The following PDZRN4 variants were observed in gnomAD, a reference collection of about 807,000 sequenced individuals.
PDZRN4 encodes the protein PDZ domain-containing RING finger protein 4.
PDZRN4 carries 70 observed loss-of-function variants against 99.0 expected under a neutral mutation model. That is an observed-to-expected ratio of 0.71 (90% CI 0.58 to 0.86). The LOEUF (loss-of-function observed/expected upper bound fraction) is 0.86, where lower values mean the gene tolerates loss of function less well. PDZRN4 is among the 40% of genes least tolerant of loss of function. The pLI is 0.00. For missense variants in PDZRN4, 1,474 were observed against 1,331.2 expected (o/e 1.11, Z -1.67); for synonymous variants, 551 against 501.6 (o/e 1.10, Z -1.32).
At chr12:41,496,210 A>T (rs928394815) in intron 3 of PDZRN4, among the ~76,000 whole-genome samples, 1 of 152,072 alleles carries the variant, frequency 6.6e-6, no homozygotes, top group East Asian at 1.9e-4. Flanking sequence ...GTGCTCACTC[A>T]GTGCGAACTA....
At chr12:41,270,328 G>T (rs1443472761) in intron 3 of PDZRN4, among the ~76,000 whole-genome samples, 1 of 125,410 alleles carries the variant, frequency 8.0e-6, no homozygotes, top group African/African-American at 3.1e-5. Flanking sequence ...GTGTGTGTCT[G>T]TGTGTGTGTG....
intron 3 of PDZRN4, among the ~76,000 whole-genome samples, chr12:41,480,971 G>C (rs963713318): frequency 2.0e-5 from 3 of 147,816 alleles, no homozygotes. Context: ...TTAAATTACA[G>C]GGTTTTTTTT....
At chr12:41,571,354 TCTCTCTCTCTCTCTCTCTCTCTCACA>T (rs1445443433) in intron 9 of PDZRN4, among the ~76,000 whole-genome samples, 1 of 93,404 alleles carries the variant, frequency 1.1e-5, no homozygotes, top group Non-Finnish European at 2.0e-5. Flanking sequence ...TCTCTCTCTC[TCTCTCTCTCTCTCTCTCTCTCTCACA>T]CACACACACA....
chr12:41,231,871 T>C (rs1364980079), intron 3 of PDZRN4, among the ~76,000 whole-genome samples: 1 of 152,038 alleles, frequency 6.6e-6, no homozygotes, highest in African/African-American at 2.4e-5. Context: ...GAAGTTATTC[T>C]GAAAAAGACA....
chr12:41,572,318 T>A, intron 9 of PDZRN4, 46 bp from the exon 10 acceptor site: 1 of 1,499,150 alleles, frequency 6.7e-7, no homozygotes, highest in Non-Finnish European at 9.1e-7. Context: ...ACAAATGTCT[T>A]CCAAAATCAT....
At chr12:41,467,908 T>A (rs1002148942) in intron 3 of PDZRN4, among the ~76,000 whole-genome samples, 7 of 152,256 alleles carry the variant, frequency 4.6e-5, no homozygotes, top group African/African-American at 1.7e-4. Context: ...ACTGAAAGAC[T>A]CTTTTCCCCC....
At chr12:41,204,652 AACTC>A (rs1170997267) in intron 3 of PDZRN4, among the ~76,000 whole-genome samples, 1 of 152,018 alleles carries the variant, frequency 6.6e-6, no homozygotes, top group African/African-American at 2.4e-5. Flanking sequence ...ATCCTGTGAG[AACTC>A]ACTCACTATC....
chr12:41,304,187 G>A (rs545114557), intron 3 of PDZRN4, among the ~76,000 whole-genome samples: 1 of 152,188 alleles, frequency 6.6e-6, no homozygotes, highest in Admixed American at 6.5e-5. Flanking sequence ...ACATACTTTC[G>A]AGTTTACAAA....
intron 3 of PDZRN4, among the ~76,000 whole-genome samples, chr12:41,356,507 T>C (rs1951928522): frequency 6.6e-6 from 1 of 152,022 alleles, no homozygotes; most frequent in Admixed American, 6.6e-5. Flanking sequence ...AAGAATTCTA[T>C]ATTGACTAAG....
chr12:41,317,570 G>GT (rs973099833), intron 3 of PDZRN4, among the ~76,000 whole-genome samples: 2 of 152,150 alleles, frequency 1.3e-5, no homozygotes, highest in South Asian at 2.1e-4. Context: ...TCGTGAGATT[G>GT]TTTTTTTCCT....
chr12:41,362,569 T>G (rs1008263196), intron 3 of PDZRN4, among the ~76,000 whole-genome samples: 1 of 152,060 alleles, frequency 6.6e-6, no homozygotes, highest in Non-Finnish European at 1.5e-5. Flanking sequence ...AGTAGCCTAA[T>G]GATCCTGCAA....
At chr12:41,481,853 A>G (rs1270601076) in intron 3 of PDZRN4, among the ~76,000 whole-genome samples, 1 of 152,162 alleles carries the variant, frequency 6.6e-6, no homozygotes, top group African/African-American at 2.4e-5. Context: ...AGTATATATT[A>G]CATTTCTCTA....
At chr12:41,565,787 A>T (rs1939359599) in intron 8 of PDZRN4, among the ~76,000 whole-genome samples, 1 of 152,114 alleles carries the variant, frequency 6.6e-6, no homozygotes, top group Non-Finnish European at 1.5e-5. Context: ...TTCCCTCAGG[A>T]CACTGGGGCA....
At chr12:41,446,199 T>C (rs184057820) in intron 3 of PDZRN4, among the ~76,000 whole-genome samples, 27 of 152,154 alleles carry the variant, frequency 1.8e-4, no homozygotes, top group African/African-American at 6.5e-4. Flanking sequence ...GCTTTGCTTT[T>C]CCCCCTCCCT....
intron 3 of PDZRN4, among the ~76,000 whole-genome samples, chr12:41,359,387 T>C (rs1189036788): frequency 6.6e-6 from 1 of 152,024 alleles, no homozygotes; most frequent in Non-Finnish European, 1.5e-5. Context: ...TGAAAAGCAA[T>C]CTTCTGTAGG....
intron 3 of PDZRN4, among the ~76,000 whole-genome samples, chr12:41,214,538 A>G (rs1355793525): frequency 1.3e-5 from 2 of 151,630 alleles, no homozygotes; most frequent in Non-Finnish European, 2.9e-5. Flanking sequence ...TTCTGGCTAG[A>G]ATAAATAGGT....
intron 3 of PDZRN4, among the ~76,000 whole-genome samples, chr12:41,226,990 A>T (rs887727963): frequency 6.6e-6 from 1 of 152,166 alleles, no homozygotes; most frequent in Non-Finnish European, 1.5e-5. Context: ...CAGTTGCAGG[A>T]TATCCCAAAT....
intron 3 of PDZRN4, among the ~76,000 whole-genome samples, chr12:41,319,524 T>C (rs1467050726): frequency 1.3e-5 from 2 of 151,972 alleles, no homozygotes; most frequent in Non-Finnish European, 2.9e-5. Context: ...CAGCCACCGC[T>C]CCTCCTCAAT....
chr12:41,435,805 T>C (rs1952624471), intron 3 of PDZRN4, among the ~76,000 whole-genome samples: 1 of 151,930 alleles, frequency 6.6e-6, no homozygotes, highest in Non-Finnish European at 1.5e-5. Context: ...TAAAATAAAA[T>C]AAAATAAAAT....
Sources: gnomAD v4.1 joint callset for allele counts (sites outside exome capture counted in the v4.1 genomes callset) on GRCh38, gnomAD v4.1.1 for gene constraint, MANE v1.5 for transcripts, NCBI Gene and HGNC (gene_info 2026-07-23, HGNC 2026-07-21) for gene names.